SEC14L3: variants seen among roughly 807,000 people sequenced by gnomAD.
The protein encoded by SEC14L3 is SEC14 like lipid binding 3.
A neutral mutation model predicts 57.4 loss-of-function variants in SEC14L3; 56 were observed. The ratio of observed to expected loss-of-function variants is 0.97; its 90% CI spans 0.79 to 1.22. SEC14L3 has a LOEUF of 1.22. SEC14L3 is among the 50% of genes most tolerant of loss of function. The pLI, the probability that SEC14L3 is intolerant of heterozygous loss-of-function variation, is 0.00. For synonymous variants in SEC14L3, 173 were observed against 194.4 expected (o/e 0.89, Z 0.92); for missense variants, 485 against 511.7 (o/e 0.95, Z 0.50).
In SEC14L3 at chr22:30,467,037, C is replaced by T. The variant is rs765911350; in HGVS notation, c.464G>A (p.Cys155Tyr). 1 of 1,614,100 alleles carries T rather than the reference C, an allele frequency of 6.2e-7. No homozygotes were observed. The highest frequency in any genetic ancestry group is 8.5e-7 in the Non-Finnish European group (1 of 1,179,992). Residue 155 changes from cysteine (C) to tyrosine (Y), a missense_variant, in exon 6 of 12, where the codon TGT becomes TAT. Physicochemically the swap from Cys to Tyr is radical, Grantham distance 194. Coordinates refer to ENST00000215812, the MANE Select transcript of SEC14L3 (RefSeq NM_174975.5). ...KIETIVMIFD[C>Y]EGLGLKHFWK... ...GAAGTGTTTCAGTCCCAGGCCCTCA[C>T]AGTCAAATATCATCACGATGGTCTC...
intron 2 of SEC14L3, 63 bp from the exon 3 acceptor site, chr22:30,470,318 G>A: frequency 6.3e-7 from 1 of 1,597,882 alleles, no homozygotes; most frequent in Non-Finnish European, 8.5e-7. Flanking sequence ...CCTGGCCAGT[G>A]GGAGCTATGG....
In SEC14L3 at chr22:30,464,827, C is replaced by T. The variant is rs35149172; in HGVS notation, c.657G>A (p.Val219=). ...TGAGCTGGCACTACTTACTTCCCAA[C>T]ACAATAATTTTCCTGCGAGTGTCCT... ...LSEDTRRKII[V]LGNNWKEGLL... is the part of the protein sequence containing the mutation. The change falls in exon 8 of 12, where the codon GTG becomes GTA. Residue 219 remains valine (V), a synonymous_variant. Coordinates refer to ENST00000215812, the MANE Select transcript of SEC14L3 (RefSeq NM_174975.5). The T allele has an allele frequency of 1.2e-6, 2 of 1,614,006 alleles. No homozygotes were observed. The highest frequency in any genetic ancestry group is 1.7e-5 in the Admixed American group (1 of 60,010).
chr22:30,448,975 A>T, exon 13 of SEC14L3: 1 of 993,602 alleles, frequency 1.0e-6, no homozygotes, highest in Non-Finnish European at 1.5e-6. Context: ...AACCCCTCTT[A>T]GAAGCAGCAT....
chr22:30,466,442 C>A (rs1013325709), intron 6 of SEC14L3, 48 bp from the exon 7 acceptor site: 1 of 1,613,340 alleles, frequency 6.2e-7, no homozygotes, highest in South Asian at 1.1e-5. Flanking sequence ...ACATCTTCTC[C>A]TACCTCCATC....
intron 7 of SEC14L3, 124 bp downstream of exon 7, chr22:30,466,210 G>T: frequency 1.2e-6 from 1 of 804,822 alleles, no homozygotes; most frequent in South Asian, 1.6e-5. Flanking sequence ...CATTCTAAGT[G>T]ATTTGCATAC....
chr22:30,455,261 A>ATATATAATATATTATATATAATATAT (rs1569225817), downstream of SEC14L3, among the ~76,000 whole-genome samples: 8 of 132,100 alleles, frequency 6.1e-5, no homozygotes, highest in South Asian at 2.2e-4. Context: ...ATAATATATT[A>ATATATAATATATTATATATAATATAT]TATATATTTG....
chr22:30,457,113 G>A (rs943702368), downstream of SEC14L3, among the ~76,000 whole-genome samples: 1 of 152,068 alleles, frequency 6.6e-6, no homozygotes, highest in African/African-American at 2.4e-5. Context: ...TCCTTTGGTG[G>A]TCAAGGGTGA....
intron 12 of SEC14L3, among the ~76,000 whole-genome samples, chr22:30,450,385 A>C (rs1252461028): frequency 6.6e-6 from 1 of 151,934 alleles, no homozygotes; most frequent in Admixed American, 6.6e-5. Flanking sequence ...GGCTCACTAC[A>C]ACCTCCACTT....
chr22:30,459,482 C>T lies in SEC14L3; in HGVS notation c.*539G>A. 1 of 985,598 alleles carries T rather than the reference C, an allele frequency of 1.0e-6. No individual in the cohort carries two copies. The highest frequency in any genetic ancestry group is 1.2e-6 in the Non-Finnish European group (1 of 830,036). The allele number at this position is 985,598 out of a possible 1,614,324, so 61.1% of individuals were successfully genotyped here. On this transcript the variant is annotated 3_prime_UTR_variant, in exon 12 of 12. Coordinates refer to ENST00000215812, the MANE Select transcript of SEC14L3 (RefSeq NM_174975.5). ...TGGGTCTCCAGAAGAGAGTCCAACC[C>T]CACCACACATCTGCTCCTGTCCAAG...
rs746446272 is a variant in SEC14L3 at position 30,467,059 on chromosome 22, T to C, written c.442A>G (p.Thr148Ala). The change falls in exon 6 of 12, where the codon ACC becomes GCC. Residue 148 changes from threonine (T) to alanine (A), a missense_variant. By Grantham distance (58) the Thr-to-Ala change is moderately conservative. Coordinates refer to ENST00000215812, the MANE Select transcript of SEC14L3 (RefSeq NM_174975.5). ...TCACAGTCAAATATCATCACGATGG[T>C]CTCAATCTTCTTCCCTAGCTGCAAG... The part of the protein sequence containing the change: ...QTERLGKKIE[T>A]IVMIFDCEGL... 6.2e-7 allele frequency: 1 copy of C among 1,613,914 alleles called. No homozygotes were observed. Among genetic ancestry groups the C allele is most frequent in the Non-Finnish European group, 8.5e-7 (1 of 1,179,946 alleles).
intron 1 of SEC14L3, among the ~76,000 whole-genome samples, chr22:30,470,952 G>C (rs1293929674): frequency 6.6e-6 from 1 of 152,082 alleles, no homozygotes; most frequent in Non-Finnish European, 1.5e-5. Flanking sequence ...AAGATGGATA[G>C]GTGGCTGCGT....
rs781442130 is a variant in SEC14L3 at position 30,470,546 on chromosome 22, G to A, written c.91C>T (p.Pro31Ser). The A allele has an allele frequency of 4.3e-6, 7 of 1,614,176 alleles. No individual in the cohort carries two copies. Among genetic ancestry groups the A allele is most frequent in the South Asian group, 1.1e-5 (1 of 91,086 alleles). The stretch of plus-strand genomic sequence containing the variant: ...AGAAGGAAATAATCATCAGGGTTGG[G>A]CAGGGCAGGAAGCACATCCTGGACG... ...ENVQDVLPAL[P>S]NPDDYFLLRW... The change falls in exon 2 of 12, where the codon CCC becomes TCC. Residue 31 changes from proline to serine, a missense_variant. Physicochemically the swap from Pro to Ser is moderately conservative, Grantham distance 74 (BLOSUM62 -1). Coordinates refer to ENST00000215812, the MANE Select transcript of SEC14L3 (RefSeq NM_174975.5).
chr22:30,454,989 ATATATTATATAATAGATG>A (rs1935081008), downstream of SEC14L3, among the ~76,000 whole-genome samples: 1 of 70,756 alleles, frequency 1.4e-5, no homozygotes, highest in African/African-American at 6.0e-5. Context: ...ATTATATATT[ATATATTATATAATAGATG>A]TATAATATAT....
downstream of SEC14L3, among the ~76,000 whole-genome samples, chr22:30,455,219 T>C (rs1167425496): frequency 8.0e-6 from 1 of 124,592 alleles, no homozygotes; most frequent in East Asian, 2.1e-4. Context: ...AAATATTAAA[T>C]AATATAATAT....
chr22:30,451,323 G>C (rs909644673), intron 12 of SEC14L3, among the ~76,000 whole-genome samples: 4 of 152,222 alleles, frequency 2.6e-5, no homozygotes, highest in South Asian at 4.1e-4. Flanking sequence ...AGTCGGGGAG[G>C]GGATGGACAC....
At position 30,460,149 on chromosome 22, in the gene SEC14L3, G is replaced by A. The variant is rs761209821; in HGVS notation, c.1082-7C>T. The A allele has an allele frequency of 2.7e-5, 44 of 1,613,204 alleles. No individual in the cohort carries two copies. Among genetic ancestry groups the A allele is most frequent in the Non-Finnish European group, 3.6e-5 (43 of 1,179,448 alleles). On this transcript the variant is annotated splice_polypyrimidine_tract_variant and splice_region_variant and intron_variant, in intron 11 of 11. Coordinates refer to ENST00000215812, the MANE Select transcript of SEC14L3 (RefSeq NM_174975.5). ...TTGTCGAAGCGTAGGACATCTGGGGGACAGATGGAAAGAGGGGCATTGGGC... is the reference window on the plus strand; with the variant it reads ...TTGTCGAAGCGTAGGACATCTGGGGAACAGATGGAAAGAGGGGCATTGGGC...
chr22:30,467,220 T>C, intron 5 of SEC14L3, 143 bp from the exon 6 acceptor site: 1 of 1,047,864 alleles, frequency 9.5e-7, no homozygotes, highest in Non-Finnish European at 1.3e-6. Context: ...AGTGAATGCA[T>C]TTCCCCACTC....
intron 12 of SEC14L3, among the ~76,000 whole-genome samples, chr22:30,452,014 A>AG (rs1934995235): frequency 6.8e-6 from 1 of 147,348 alleles, no homozygotes; most frequent in African/African-American, 2.5e-5. Context: ...AAAAAAGAAA[A>AG]AAGAAAAGAA....
At chr22:30,457,685 GCT>G (rs1491253203), downstream of SEC14L3, among the ~76,000 whole-genome samples, 2 of 78,936 alleles carry the variant, frequency 2.5e-5, no homozygotes, top group Admixed American at 1.1e-4. Context: ...ACCTGGCCAT[GCT>G]TTTTTTTTTT....
Sources: gnomAD v4.1 joint callset for allele counts (sites outside exome capture counted in the v4.1 genomes callset) on GRCh38, gnomAD v4.1.1 for gene constraint, MANE v1.5 for transcripts, NCBI Gene and HGNC (gene_info 2026-07-23, HGNC 2026-07-21) for gene names.